The following CHGB variants were observed in gnomAD, a reference collection of about 807,000 sequenced individuals.
CHGB encodes chromogranin B, also known as secretogranin-1.
In CHGB, 46 loss-of-function variants were observed where a neutral mutation model predicts 69.9. The observed-to-expected ratio is 0.66, with a 90% CI of 0.52 to 0.84. The LOEUF is 0.84. CHGB is among the 40% of genes least tolerant of loss of function. The pLI is 0.00. For missense variants in CHGB, 796 were observed against 822.2 expected, an observed-to-expected ratio of 0.97 and a Z score of 0.39; for synonymous variants, 312 against 298.2, an observed-to-expected ratio of 1.05 and a Z score of -0.48.
chr20:5,923,507 A>G lies in CHGB; in HGVS notation c.1363A>G (p.Lys455Glu), dbSNP rs371474057. 1.9e-6 allele frequency: 3 copies of G among 1,614,080 alleles called. No homozygotes were observed. The African/African-American group carries it at 4.0e-5, about 22-fold the overall frequency. The change falls in exon 4 of 5, where the codon AAG (lysine) becomes GAG (glutamate). Residue 455 changes from lysine to glutamate, a missense_variant. By Grantham distance (56) the Lys-to-Glu change is moderately conservative. Around this residue, in one of 3 missense-constraint regions of CHGB, gnomAD observed 274 missense variants for 298.9 expected, o/e 0.92. Transcript: ENST00000378961. Reference protein sequence around the residue: ...HHRVQENQMDKARRHPQGAWK... With the variant: ...HHRVQENQMDEARRHPQGAWK... ...CCGTGTCCAAGAAAACCAGATGGAC[A>G]AGGCAAGGAGGCATCCACAAGGTGC...
chr20:5,924,923 A>G, intron 4 of CHGB, 49 bp from the exon 5 acceptor site: 1 of 1,181,776 alleles, frequency 8.5e-7, no homozygotes, highest in Non-Finnish European at 1.3e-6. Context: ...AACTACAGCA[A>G]AAGAAATTGG....
At chr20:5,924,746 A>G (rs1428184976) in intron 4 of CHGB, among the ~76,000 whole-genome samples, 1 of 152,190 alleles carries the variant, frequency 6.6e-6, no homozygotes, top group Non-Finnish European at 1.5e-5. Flanking sequence ...TAGCCCCCAG[A>G]GTTCCTCATT....
intron 3 of CHGB, among the ~76,000 whole-genome samples, chr20:5,920,820 T>A (rs951375131): frequency 6.6e-6 from 1 of 152,244 alleles, no homozygotes; most frequent in Admixed American, 6.5e-5. Context: ...TTCTCTCAGA[T>A]GTCTGGAAAA....
At chr20:5,919,619 ATT>A (rs2088501968) in intron 3 of CHGB, among the ~76,000 whole-genome samples, 1 of 152,180 alleles carries the variant, frequency 6.6e-6, no homozygotes, top group African/African-American at 2.4e-5. Context: ...ATCTCCTGGT[ATT>A]TTCATATCGC....
At chr20:5,920,161 A>G (rs1259810133) in intron 3 of CHGB, among the ~76,000 whole-genome samples, 2 of 152,226 alleles carry the variant, frequency 1.3e-5, no homozygotes, top group Non-Finnish European at 2.9e-5. Context: ...AGGAAGAGCT[A>G]AGCCTCAGGC....
chr20:5,924,772 G>A (rs140256930), intron 4 of CHGB, among the ~76,000 whole-genome samples, 200 bp from the exon 5 acceptor site: 203 of 152,310 alleles, frequency 1.3e-3, no homozygotes, highest in African/African-American at 4.6e-3. Flanking sequence ...GGTCCCAAGT[G>A]AGACCCCAAT....
intron 4 of CHGB, among the ~76,000 whole-genome samples, chr20:5,924,366 TG>T (rs2088537582): frequency 6.6e-6 from 1 of 152,192 alleles, no homozygotes; most frequent in African/African-American, 2.4e-5. Flanking sequence ...GAAAAATTAC[TG>T]TGTTAGAGAT....
chr20:5,923,811 C>T lies in CHGB; in HGVS notation c.1667C>T (p.Thr556Ile). ...FLEGEEENEL[T>I]LNEKNFFPEY... ...GAGGGTGAGGAGGAAAATGAGCTGA[C>T]CTTGAACGAGAAGAATTTCTTCCCA... Residue 556 changes from threonine (T) to isoleucine (I), a missense_variant, in exon 4 of 5, where the codon ACC (threonine) becomes ATC (isoleucine). This residue lies in a region of CHGB where 274 missense variants were observed against 298.9 expected (regional missense o/e 0.92). Coordinates refer to ENST00000378961, the MANE Select transcript of CHGB (RefSeq NM_001819.3). The T allele has an allele frequency of 2.5e-6, 4 of 1,614,116 alleles. No homozygotes were observed. Among genetic ancestry groups the T allele is most frequent in the Non-Finnish European group, 3.4e-6 (4 of 1,180,022 alleles).
At chr20:5,914,756 G>T (rs2088466095) in intron 1 of CHGB, 1 of 152,220 alleles carries the variant, frequency 6.6e-6, no homozygotes, top group Admixed American at 6.5e-5. Context: ...GGGCCAACTG[G>T]ATCTTGCCTG....
rs771095464 is a variant in CHGB at position 5,922,719 on chromosome 20, G to A, written c.575G>A (p.Gly192Glu). The A allele has an allele frequency of 4.3e-6, 7 of 1,614,052 alleles. No homozygotes were observed. The highest frequency in any genetic ancestry group is 3.3e-4 in the Middle Eastern group (2 of 6,084). ...SSEEKHLEEP[G>E]ETQNAFLNER... Reference sequence around the variant, plus strand: ...GAAGAGAAACACCTTGAAGAGCCAGGAGAGACACAAAACGCTTTTCTCAAT... The same window carrying A: ...GAAGAGAAACACCTTGAAGAGCCAGAAGAGACACAAAACGCTTTTCTCAAT... Residue 192 changes from glycine to glutamate, a missense_variant, in exon 4 of 5, where the codon GGA becomes GAA. Coordinates refer to ENST00000378961, the MANE Select transcript of CHGB (RefSeq NM_001819.3).
intron 3 of CHGB, among the ~76,000 whole-genome samples, chr20:5,921,824 C>A (rs975057628): frequency 6.6e-6 from 1 of 152,210 alleles, no homozygotes; most frequent in African/African-American, 2.4e-5. Flanking sequence ...TTTAAATCCT[C>A]CTTTGAATCT....
Position 5,923,139 on chromosome 20 carries a change from A to G in CHGB, c.995A>G (p.Tyr332Cys). The G allele has an allele frequency of 6.2e-7, 1 of 1,614,134 alleles. No homozygotes were observed. Among genetic ancestry groups the G allele is most frequent in the Middle Eastern group, 1.6e-4 (1 of 6,062 alleles). The change falls in exon 4 of 5, where the codon TAC (tyrosine) becomes TGC (cysteine). Residue 332 changes from tyrosine (Y) to cysteine (C), a missense_variant. Around this residue, in one of 3 missense-constraint regions of CHGB, gnomAD observed 518 missense variants for 506.3 expected, o/e 1.02. Transcript: ENST00000378961. ...GEKRDHHSTH[Y>C]RASEEEPEYG... ...AAGAGGGACCACCATTCAACCCACT[A>G]CAGGGCTTCAGAGGAAGAACCTGAA...
intron 3 of CHGB, among the ~76,000 whole-genome samples, chr20:5,921,995 C>T (rs1422016212): frequency 1.3e-5 from 2 of 152,136 alleles, no homozygotes; most frequent in Non-Finnish European, 2.9e-5. Context: ...AGAGGTTGGA[C>T]TGGATTAGAT....
At chr20:5,924,694 G>A (rs564322283) in intron 4 of CHGB, among the ~76,000 whole-genome samples, 2 of 152,250 alleles carry the variant, frequency 1.3e-5, no homozygotes, top group South Asian at 4.1e-4. Context: ...GTAGGTTGGT[G>A]CTTCTCAAAG....
intron 3 of CHGB, among the ~76,000 whole-genome samples, chr20:5,918,383 G>T (rs2088491483): frequency 6.6e-6 from 1 of 151,722 alleles, no homozygotes; most frequent in Non-Finnish European, 1.5e-5. Flanking sequence ...GCAGAGTGAG[G>T]CTCCATCAAA....
At position 5,923,618 on chromosome 20, in the gene CHGB, A is replaced by G. The variant is rs375079132; in HGVS notation, c.1474A>G (p.Thr492Ala). The G allele has an allele frequency of 2.1e-5, 34 of 1,614,066 alleles. No individual in the cohort carries two copies. The highest frequency in any genetic ancestry group is 2.8e-5 in the Non-Finnish European group (33 of 1,180,058). ...GCAGCAGCAGGGAGACCTGCAGGAC[A>G]CTAAAGAAAACAGGGAGGAAGCTAG... ...KWQQQGDLQDTKENREEARFQ... is the reference protein window; with the variant it reads ...KWQQQGDLQDAKENREEARFQ... The change falls in exon 4 of 5, where the codon ACT becomes GCT. Residue 492 changes from threonine (T) to alanine (A), a missense_variant. By Grantham distance (58) the Thr-to-Ala change is moderately conservative. Coordinates refer to ENST00000378961, the MANE Select transcript of CHGB (RefSeq NM_001819.3).
chr20:5,923,479 C>A lies in CHGB; in HGVS notation c.1335C>A (p.His445Gln), dbSNP rs752402192. 1.4e-5 allele frequency: 23 copies of A among 1,613,968 alleles called. No homozygotes were observed. The African/African-American group carries it at 3.1e-4, about 22-fold the overall frequency. The change falls in exon 4 of 5, where the codon CAC becomes CAA. Residue 445 changes from histidine (H) to glutamine (Q), a missense_variant. His to Gln is a conservative substitution (Grantham distance 24, BLOSUM62 0). Around this residue, in one of 3 missense-constraint regions of CHGB, gnomAD observed 274 missense variants for 298.9 expected, o/e 0.92. Transcript: ENST00000378961. ...REEKRFLGEG[H>Q]HRVQENQMDK... ...AGAAAAGGTTCTTGGGTGAAGGACA[C>A]CACCGTGTCCAAGAAAACCAGATGG...
intron 2 of CHGB, 84 bp from the exon 3 acceptor site, chr20:5,916,742 T>G: frequency 1.6e-6 from 2 of 1,244,968 alleles, no homozygotes; most frequent in South Asian, 2.4e-5. Flanking sequence ...CGTAATCAAG[T>G]CTTCCTTGAC....
chr20:5,916,265 G>A (rs2088474858), intron 1 of CHGB, 61 bp from the exon 2 acceptor site: 1 of 1,317,240 alleles, frequency 7.6e-7, no homozygotes, highest in Admixed American at 1.8e-5. Flanking sequence ...TTTGTCAGTT[G>A]GGGTCACACA....
Sources: allele counts gnomAD v4.1 joint callset (sites outside exome capture counted in the v4.1 genomes callset), GRCh38; gene constraint gnomAD v4.1.1; regional missense constraint gnomAD v4.1.1; transcripts MANE v1.5; gene names NCBI Gene and HGNC (gene_info 2026-07-23, HGNC 2026-07-21).